GPR39: variants seen among roughly 807,000 people sequenced by gnomAD.
The protein encoded by GPR39 is G protein-coupled receptor 39.
In GPR39, 23 loss-of-function variants were observed where a neutral mutation model predicts 18.4. The observed-to-expected ratio is 1.25, with a 90% CI of 0.90 to 1.77. The LOEUF is 1.77. Ranked by LOEUF, GPR39 falls within the 40% of genes most tolerant of loss-of-function variation. The pLI is 0.00. For missense variants in GPR39, 647 were observed against 602.4 expected (o/e 1.07, Z -0.78); for synonymous variants, 280 against 257.9 (o/e 1.09, Z -0.82).
At chr2:132,499,893 T>G (rs13002132) in intron 1 of GPR39, among the ~76,000 whole-genome samples, 1 of 151,644 alleles carries the variant, frequency 6.6e-6, no homozygotes, top group African/African-American at 2.4e-5. Flanking sequence ...TGGTCACTGT[T>G]GGTGTACAGC....
intron 1 of GPR39, among the ~76,000 whole-genome samples, chr2:132,629,781 T>C (rs1681616157): frequency 1.3e-5 from 2 of 152,214 alleles, no homozygotes; most frequent in Admixed American, 1.3e-4. Context: ...TGCTTCCCTC[T>C]CTGGGCTAAA....
chr2:132,540,073 C>T (rs1351074994), intron 1 of GPR39, among the ~76,000 whole-genome samples: 7 of 152,168 alleles, frequency 4.6e-5, no homozygotes, highest in Non-Finnish European at 8.8e-5. Context: ...TCACATCCTA[C>T]ACCCCCTAAC....
intron 1 of GPR39, among the ~76,000 whole-genome samples, chr2:132,433,069 G>A (rs955730429): frequency 3.3e-5 from 5 of 152,084 alleles, no homozygotes; most frequent in African/African-American, 1.2e-4. Flanking sequence ...AAATGGTAAA[G>A]CTTAGAAGTA....
intron 1 of GPR39, among the ~76,000 whole-genome samples, chr2:132,474,279 A>G (rs2104785169): frequency 6.6e-6 from 1 of 152,310 alleles, no homozygotes; most frequent in East Asian, 1.9e-4. Context: ...TCCTCAAGGA[A>G]ACCTAATCTT....
At chr2:132,596,806 T>C (rs958828056) in intron 1 of GPR39, among the ~76,000 whole-genome samples, 15 of 152,228 alleles carry the variant, frequency 9.9e-5, no homozygotes, top group African/African-American at 3.1e-4. Context: ...TCAGGATCTC[T>C]GGGAATGGAA....
chr2:132,457,228 T>C (rs1043779107), intron 1 of GPR39, among the ~76,000 whole-genome samples: 18 of 152,226 alleles, frequency 1.2e-4, no homozygotes, highest in African/African-American at 4.3e-4. Flanking sequence ...TTTCATTAAT[T>C]TGATCTTCAA....
intron 1 of GPR39, among the ~76,000 whole-genome samples, chr2:132,449,755 G>T (rs1356092240): frequency 6.6e-6 from 1 of 152,010 alleles, no homozygotes; most frequent in African/African-American, 2.4e-5. Flanking sequence ...AGCAGGCCTA[G>T]ATGATTGGCA....
At chr2:132,588,369 T>TA (rs1366316703) in intron 1 of GPR39, among the ~76,000 whole-genome samples, 1 of 152,206 alleles carries the variant, frequency 6.6e-6, no homozygotes, top group East Asian at 1.9e-4. Flanking sequence ...TCCCAACACT[T>TA]ACTGGTTTAA....
intron 1 of GPR39, among the ~76,000 whole-genome samples, chr2:132,433,335 T>C (rs1680256093): frequency 6.6e-6 from 1 of 152,172 alleles, no homozygotes; most frequent in East Asian, 1.9e-4. Flanking sequence ...CTACCTCCTG[T>C]TGCTATCGAG....
Position 132,417,808 on chromosome 2 carries a change from T to A in GPR39, c.766T>A (p.Ser256Thr). 6.2e-7 allele frequency: 1 copy of A among 1,614,034 alleles called. No homozygotes were observed. The highest frequency in any genetic ancestry group is 1.6e-4 in the Middle Eastern group (1 of 6,062). Residue 256 changes from serine to threonine, a missense_variant, in exon 1 of 2, where the codon TCG becomes ACG. Transcript: ENST00000329321. ...GGTGCTCATGAAAAGCCAGAAGGGCTCGCTGGCCGGGGGCACGCGGCCTCC... is the reference window on the plus strand; with the variant it reads ...GGTGCTCATGAAAAGCCAGAAGGGCACGCTGGCCGGGGGCACGCGGCCTCC... ...MQVLMKSQKG[S>T]LAGGTRPPQL... is the part of the protein sequence containing the mutation.
Position 132,417,342 on chromosome 2 carries a change from C to T in GPR39, c.300C>T (p.Thr100=). The T allele has an allele frequency of 6.2e-7, 1 of 1,614,148 alleles. No homozygotes were observed. The highest frequency in any genetic ancestry group is 8.5e-7 in the Non-Finnish European group (1 of 1,180,018). ...EFYSIIWNPL[T]TSSYTLSCKL... is the part of the protein sequence containing the mutation. Reference sequence around the variant, plus strand: ...ACAGCATCATCTGGAATCCCCTGACCACGTCCAGCTACACCCTGTCCTGCA... The same window carrying T: ...ACAGCATCATCTGGAATCCCCTGACTACGTCCAGCTACACCCTGTCCTGCA... The change falls in exon 1 of 2, where the codon ACC becomes ACT. Residue 100 remains threonine (T), a synonymous_variant. Transcript: ENST00000329321.
At chr2:132,499,927 A>G (rs942733174) in intron 1 of GPR39, among the ~76,000 whole-genome samples, 1 of 152,156 alleles carries the variant, frequency 6.6e-6, no homozygotes, top group Non-Finnish European at 1.5e-5. Flanking sequence ...TGTGTACATT[A>G]ATTTTGTATC....
chr2:132,628,271 T>C (rs1328213252), intron 1 of GPR39, among the ~76,000 whole-genome samples: 8 of 152,192 alleles, frequency 5.3e-5, no homozygotes, highest in Non-Finnish European at 1.2e-4. Flanking sequence ...TTCCCAGCCT[T>C]CCTTTCTGGC....
At chr2:132,562,876 C>A (rs1291836526) in intron 1 of GPR39, among the ~76,000 whole-genome samples, 1 of 151,914 alleles carries the variant, frequency 6.6e-6, no homozygotes, top group African/African-American at 2.4e-5. Context: ...GTTGTTAGGG[C>A]AAAAGACTTA....
chr2:132,598,526 A>C (rs1409123162), intron 1 of GPR39, among the ~76,000 whole-genome samples: 2 of 150,810 alleles, frequency 1.3e-5, no homozygotes, highest in African/African-American at 2.5e-5. Context: ...TAAGAACACC[A>C]GTAGAGTGAA....
intron 1 of GPR39, among the ~76,000 whole-genome samples, chr2:132,571,709 G>A (rs1318109558): frequency 6.6e-6 from 1 of 152,116 alleles, no homozygotes; most frequent in Non-Finnish European, 1.5e-5. Context: ...CAGGAAGTGT[G>A]AACAGTGTCA....
chr2:132,466,795 A>G (rs1680935027), intron 1 of GPR39, among the ~76,000 whole-genome samples: 2 of 152,158 alleles, frequency 1.3e-5, no homozygotes, highest in Non-Finnish European at 2.9e-5. Context: ...AAATGTGTAG[A>G]GGACCAAGAG....
At chr2:132,437,232 C>G (rs1370576841) in intron 1 of GPR39, among the ~76,000 whole-genome samples, 3 of 152,208 alleles carry the variant, frequency 2.0e-5, no homozygotes, top group Non-Finnish European at 4.4e-5. Context: ...ATTCACCCAT[C>G]CTTACCTTTG....
intron 1 of GPR39, among the ~76,000 whole-genome samples, chr2:132,612,392 T>C (rs1681252717): frequency 6.6e-6 from 1 of 152,190 alleles, no homozygotes; most frequent in Admixed American, 6.5e-5. Context: ...TTTAATCAGC[T>C]CTTATTTTAA....
Sources: gnomAD v4.1 joint callset for allele counts (sites outside exome capture counted in the v4.1 genomes callset) on GRCh38, gnomAD v4.1.1 for gene constraint, MANE v1.5 for transcripts, NCBI Gene and HGNC (gene_info 2026-07-23, HGNC 2026-07-21) for gene names.